NRG1: variants seen among roughly 807,000 people sequenced by gnomAD.
NRG1 encodes the protein neuregulin 1.
A neutral mutation model predicts 63.8 loss-of-function variants in NRG1; 18 were observed. That is an observed-to-expected ratio of 0.28 (90% CI 0.19 to 0.42). NRG1 has a LOEUF of 0.42. NRG1 is among the 10% of genes least tolerant of loss of function. NRG1 has a pLI of 1.00. For missense variants in NRG1, 762 were observed against 814.7 expected (o/e 0.94, Z 0.79); for synonymous variants, 302 against 301.3 (o/e 1.00, Z -0.02).
chr8:31,681,352 A>G (rs912103257), intron 1 of NRG1, among the ~76,000 whole-genome samples: 10 of 151,832 alleles, frequency 6.6e-5, no homozygotes, highest in African/African-American at 2.4e-4. Flanking sequence ...TCCAAATACA[A>G]TGGAAAAAAG....
Position 32,614,652 on chromosome 8 carries a change from G to T in NRG1, c.451+88G>T, listed in dbSNP as rs573714038. 5.0e-4 allele frequency: 600 copies of T among 1,205,738 alleles called. 2 individuals carry two copies. The highest frequency in any genetic ancestry group is 6.5e-4 in the Non-Finnish European group (535 of 819,080). 74.7% of individuals were successfully genotyped at this position (1,205,738 alleles called of 1,614,324 possible). A position where few individuals can be genotyped will look rare whatever the true frequency, so the allele number is the denominator to read the frequency against. On this transcript the variant is annotated intron_variant, in intron 4 of 11. Transcript: ENST00000356819. Reference sequence around the variant, plus strand: ...CCTTCTACTAATCAGAACCCCTTCTGCATCCAGACCTCTCAGCTGCTCTTG... The same window carrying T: ...CCTTCTACTAATCAGAACCCCTTCTTCATCCAGACCTCTCAGCTGCTCTTG...
In NRG1 at chr8:32,175,345, A is replaced by G. The variant is rs551933942; in HGVS notation, c.38-420483A>G. ...TGGGACATATGTCAAAATAATAAGA[A>G]CTATCTATGACAAACCCATAGCCAA... On this transcript the variant is annotated intron_variant, in intron 1 of 10. Coordinates refer to the NRG1 transcript ENST00000519301. Among the ~76,000 whole-genome samples the G allele has an allele frequency of 2.0e-5, 3 of 152,224 alleles. No individual in the cohort carries two copies. In the South Asian group the frequency reaches 6.2e-4, roughly 32 times the overall value.
At chr8:32,756,558 C>T in intron 9 of NRG1, 29 bp downstream of exon 9, 1 of 1,592,642 alleles carries the variant, frequency 6.3e-7, no homozygotes, top group Non-Finnish European at 8.5e-7. Flanking sequence ...GTGGAAAAAA[C>T]TGAGCCTCTC....
At chr8:32,609,216 C>T (rs983202512) in intron 3 of NRG1, among the ~76,000 whole-genome samples, 3 of 151,934 alleles carry the variant, frequency 2.0e-5, no homozygotes, top group East Asian at 1.9e-4. Flanking sequence ...AGTTATAGTG[C>T]ATCCAGAAGG....
At chr8:32,337,765 G>A (rs767206097) in intron 1 of NRG1, among the ~76,000 whole-genome samples, 3 of 147,604 alleles carry the variant, frequency 2.0e-5, no homozygotes, top group Non-Finnish European at 4.5e-5. Context: ...GGCCAAGCCT[G>A]CATATCCCTG....
chr8:32,012,453 A>G (rs531172285), intron 1 of NRG1, among the ~76,000 whole-genome samples: 1 of 152,256 alleles, frequency 6.6e-6, no homozygotes, highest in East Asian at 1.9e-4. Flanking sequence ...TACTAAAAAT[A>G]TCAGGAGAGG....
intron 1 of NRG1, among the ~76,000 whole-genome samples, chr8:32,051,875 A>G (rs1213787575): frequency 6.6e-6 from 1 of 152,142 alleles, no homozygotes; most frequent in African/African-American, 2.4e-5. Context: ...TTTTAAGTTA[A>G]AGAGAGAGAA....
intron 1 of NRG1, among the ~76,000 whole-genome samples, chr8:32,447,935 C>T (rs1820477931): frequency 6.6e-6 from 1 of 151,824 alleles, no homozygotes; most frequent in South Asian, 2.1e-4. Flanking sequence ...ACTATAACTC[C>T]TTATGATAAT....
chr8:32,564,566 C>A (rs1837078863), intron 1 of NRG1, among the ~76,000 whole-genome samples: 1 of 152,234 alleles, frequency 6.6e-6, no homozygotes, highest in East Asian at 1.9e-4. Flanking sequence ...TTCCTATTAC[C>A]TTGAGAAAGA....
chr8:32,406,715 T>A (rs192246381), intron 1 of NRG1, among the ~76,000 whole-genome samples: 1 of 151,676 alleles, frequency 6.6e-6, no homozygotes, highest in African/African-American at 2.4e-5. Flanking sequence ...TCTTCGTCCT[T>A]TTTTTTTAAA....
intron 1 of NRG1, among the ~76,000 whole-genome samples, chr8:32,429,341 C>T (rs1439481553): frequency 6.6e-6 from 1 of 152,118 alleles, no homozygotes; most frequent in Non-Finnish European, 1.5e-5. Context: ...CCCTGGTTTC[C>T]TAGGACCAAG....
intron 1 of NRG1, among the ~76,000 whole-genome samples, chr8:31,845,511 G>T (rs1826603226): frequency 6.6e-6 from 1 of 152,082 alleles, no homozygotes; most frequent in African/African-American, 2.4e-5. Flanking sequence ...TTTTGCAAGT[G>T]GTTGTAGCCT....
chr8:32,138,599 C>T (rs1311497109), intron 1 of NRG1, among the ~76,000 whole-genome samples: 2 of 151,996 alleles, frequency 1.3e-5, no homozygotes, highest in East Asian at 2.0e-4. Flanking sequence ...CTCACTCTGT[C>T]GCCCAGACTG....
chr8:31,818,745 G>T (rs939216799), intron 1 of NRG1, among the ~76,000 whole-genome samples: 1 of 152,110 alleles, frequency 6.6e-6, no homozygotes, highest in Non-Finnish European at 1.5e-5. Flanking sequence ...TGGGAGTTGG[G>T]GACCCGTGTT....
Position 31,781,092 on chromosome 8 carries a change from G to A in NRG1, c.37+141661G>A, listed in dbSNP as rs1467813997. Among the ~76,000 whole-genome samples the A allele has an allele frequency of 2.6e-5, 4 of 151,466 alleles. No homozygotes were observed. In the East Asian group the frequency reaches 7.7e-4, roughly 29 times the overall value. The stretch of plus-strand genomic sequence containing the variant: ...TTTTATTTGGCTTTTTTTTTGACTT[G>A]CAAATTCCTTTTTGGATGGATTAGA... On this transcript the variant is annotated intron_variant, in intron 1 of 10. Transcript: ENST00000519301.
intron 1 of NRG1, among the ~76,000 whole-genome samples, chr8:32,339,330 CCCCAAAT>C (rs1295438462): frequency 6.6e-6 from 1 of 152,104 alleles, no homozygotes; most frequent in Non-Finnish European, 1.5e-5. Context: ...TGCCCCTAAA[CCCCAAAT>C]ACTCACTTTG....
At chr8:32,195,438 CAAA>C (rs34604354) in intron 1 of NRG1, among the ~76,000 whole-genome samples, 3 of 137,662 alleles carry the variant, frequency 2.2e-5, no homozygotes, top group Admixed American at 7.3e-5. Flanking sequence ...GACCCTGTCT[CAAA>C]AAAAAAAAAA....
intron 1 of NRG1, among the ~76,000 whole-genome samples, chr8:32,241,574 A>G (rs1848099130): frequency 6.6e-6 from 1 of 152,176 alleles, no homozygotes; most frequent in Admixed American, 6.5e-5. Context: ...TAGTCAAAGA[A>G]CCAATGAAAT....
chr8:32,364,974 T>C (rs985604469), intron 1 of NRG1, among the ~76,000 whole-genome samples: 1 of 149,016 alleles, frequency 6.7e-6, no homozygotes, highest in Non-Finnish European at 1.5e-5. Flanking sequence ...TTTTTTTTTT[T>C]TTGAGACAGG....
Sources: allele counts gnomAD v4.1 joint callset (sites outside exome capture counted in the v4.1 genomes callset), GRCh38; gene constraint gnomAD v4.1.1; transcripts MANE v1.5; gene names NCBI Gene and HGNC (gene_info 2026-07-23, HGNC 2026-07-21).